The following ARK2N variants were observed in gnomAD, a reference collection of about 807,000 sequenced individuals.
ARK2N encodes the protein arkadia (RNF111) N-terminal like PKA signaling regulator 2N, also known as protein ARK2N.
At chr18:46,184,937 T>A in the ARK2N span, among the ~76,000 whole-genome samples, 4 of 152,232 alleles carry the variant, frequency 2.6e-5, no homozygotes, top group African/African-American at 9.6e-5. Flanking sequence ...ACAATCACTT[T>A]AAATGCAGTA....
chr18:46,178,199 G>A, the ARK2N span, among the ~76,000 whole-genome samples: 2 of 152,192 alleles, frequency 1.3e-5, no homozygotes, highest in African/African-American at 2.4e-5. Flanking sequence ...TGGAGATAGG[G>A]CCAAGTTGCA....
the ARK2N span, among the ~76,000 whole-genome samples, chr18:46,259,796 G>GTGTT: frequency 6.6e-6 from 1 of 151,900 alleles, no homozygotes; most frequent in Non-Finnish European, 1.5e-5. Context: ...GTGTGTGTGT[G>GTGTT]TGTGTGTGTG....
the ARK2N span, among the ~76,000 whole-genome samples, chr18:46,209,232 A>C: frequency 1.3e-5 from 2 of 150,648 alleles, no homozygotes; most frequent in Non-Finnish European, 2.9e-5. Context: ...GAATTATTGT[A>C]CTCAGCAGTT....
At chr18:46,247,196 T>A in the ARK2N span, among the ~76,000 whole-genome samples, 1 of 151,994 alleles carries the variant, frequency 6.6e-6, no homozygotes, top group Non-Finnish European at 1.5e-5. Flanking sequence ...TAAAAGACAG[T>A]ATAAAATTAA....
At chr18:46,239,399 A>G in the ARK2N span, among the ~76,000 whole-genome samples, 1 of 152,198 alleles carries the variant, frequency 6.6e-6, no homozygotes, top group South Asian at 2.1e-4. Context: ...CTGAAAATGG[A>G]TTTGTTGTAT....
the ARK2N span, among the ~76,000 whole-genome samples, chr18:46,199,000 C>A: frequency 6.6e-6 from 1 of 152,106 alleles, no homozygotes; most frequent in South Asian, 2.1e-4. Context: ...TAATCATAAA[C>A]CTACATCTAT....
At chr18:46,189,606 G>T in the ARK2N span, among the ~76,000 whole-genome samples, 4 of 152,084 alleles carry the variant, frequency 2.6e-5, no homozygotes, top group African/African-American at 9.7e-5. Flanking sequence ...CTTATCTTTG[G>T]CCAGGTGTGG....
chr18:46,209,872 G>A, the ARK2N span, among the ~76,000 whole-genome samples: 1,545 of 152,274 alleles, frequency 0.01, 34 homozygotes, highest in African/African-American at 0.036. Context: ...GGGATTACAG[G>A]CGTGAGCCAC....
At chr18:46,196,742 T>C in the ARK2N span, among the ~76,000 whole-genome samples, 277 of 152,350 alleles carry the variant, frequency 1.8e-3, no homozygotes, top group Non-Finnish European at 3.4e-3. Context: ...ATTATGACTT[T>C]ATGAGATTAC....
the ARK2N span, among the ~76,000 whole-genome samples, chr18:46,225,379 A>G: frequency 3.9e-5 from 6 of 152,248 alleles, no homozygotes; most frequent in Non-Finnish European, 7.3e-5. Flanking sequence ...ATCTATCACA[A>G]AATTAATTGT....
At chr18:46,202,266 T>C in the ARK2N span, among the ~76,000 whole-genome samples, 3 of 152,194 alleles carry the variant, frequency 2.0e-5, no homozygotes. Flanking sequence ...TCACAAAATA[T>C]TAAAAATGTT....
At chr18:46,253,394 A>G in the ARK2N span, among the ~76,000 whole-genome samples, 1 of 152,248 alleles carries the variant, frequency 6.6e-6, no homozygotes. Flanking sequence ...GTAGACAGAT[A>G]TAGGTATTTA....
At chr18:46,188,037 ATT>A in the ARK2N span, among the ~76,000 whole-genome samples, 3 of 152,250 alleles carry the variant, frequency 2.0e-5, no homozygotes, top group East Asian at 5.8e-4. Context: ...ATTGAGCATA[ATT>A]TTAAGTAAGC....
At chr18:46,185,871 C>T in the ARK2N span, among the ~76,000 whole-genome samples, 1 of 152,162 alleles carries the variant, frequency 6.6e-6, no homozygotes, top group African/African-American at 2.4e-5. Flanking sequence ...CTGGTAATCT[C>T]AGCTACTCAG....
the ARK2N span, among the ~76,000 whole-genome samples, chr18:46,201,330 C>T: frequency 2.6e-4 from 40 of 151,988 alleles, no homozygotes; most frequent in African/African-American, 7.0e-4. Flanking sequence ...TTCATATAGG[C>T]TTTCAAAAAA....
the ARK2N span, chr18:46,231,670 T>TA: frequency 6.6e-6 from 1 of 151,702 alleles, no homozygotes; most frequent in Non-Finnish European, 1.5e-5. Flanking sequence ...TCCCTGCTGT[T>TA]ACTAAGATTT....
the ARK2N span, among the ~76,000 whole-genome samples, chr18:46,229,299 A>G: frequency 6.6e-6 from 1 of 152,148 alleles, no homozygotes; most frequent in Non-Finnish European, 1.5e-5. Context: ...TCCCCTTTCA[A>G]CATACTTTGT....
the ARK2N span, among the ~76,000 whole-genome samples, chr18:46,186,762 C>T: frequency 6.6e-5 from 10 of 151,804 alleles, no homozygotes; most frequent in Non-Finnish European, 1.2e-4. Context: ...CCCACCTCGG[C>T]CTCCCAAAGT....
chr18:46,222,802 G>A, the ARK2N span, among the ~76,000 whole-genome samples: 1 of 152,020 alleles, frequency 6.6e-6, no homozygotes, highest in Non-Finnish European at 1.5e-5. Context: ...ACGTAGCCAC[G>A]GCTTCCCCTA....
Sources: gnomAD v4.1 joint callset for allele counts (sites outside exome capture counted in the v4.1 genomes callset) on GRCh38, gnomAD v4.1.1 for gene constraint, MANE v1.5 for transcripts, NCBI Gene and HGNC (gene_info 2026-07-23, HGNC 2026-07-21) for gene names.